The following CD47 variants were observed in gnomAD, a reference collection of about 807,000 sequenced individuals.
CD47 encodes leukocyte surface antigen CD47.
CD47 carries 11 observed loss-of-function variants against 44.6 expected under a neutral mutation model. The ratio of observed to expected loss-of-function variants is 0.25; its 90% CI spans 0.16 to 0.41. The LOEUF is 0.41. CD47 is among the 10% of genes least tolerant of loss of function. The probability of loss-of-function intolerance (pLI) is 1.00; values close to 1 mark genes in which losing one functional copy is unlikely to be tolerated. For missense variants in CD47, 306 were observed against 386.7 expected, an observed-to-expected ratio of 0.79 and a Z score of 1.75; for synonymous variants, 140 against 136.3, an observed-to-expected ratio of 1.03 and a Z score of -0.19.
intron 7 of CD47, chr3:108,054,436 T>C (rs1405933849): frequency 6.6e-6 from 1 of 152,164 alleles, no homozygotes; most frequent in Non-Finnish European, 1.5e-5. Flanking sequence ...CCAAACAGTG[T>C]ACAAGTTAAT....
intron 9 of CD47, among the ~76,000 whole-genome samples, chr3:108,050,110 T>C (rs1263516136): frequency 6.6e-6 from 1 of 152,118 alleles, no homozygotes; most frequent in Non-Finnish European, 1.5e-5. Context: ...ATAAAAGTAA[T>C]ATTCATAATT....
In CD47 at chr3:108,058,361, C is replaced by A; in HGVS notation, c.760G>T (p.Val254Phe). 1 of 1,563,746 alleles carries A rather than the reference C, an allele frequency of 6.4e-7. No homozygotes were observed. The highest frequency in any genetic ancestry group is 1.3e-5 in the African/African-American group (1 of 74,296). ...CCCGCAATACAGAGACTCAGTCCAACCACAGCGAGGATATAGGCTATCACC... is the reference window on the plus strand; with the variant it reads ...CCCGCAATACAGAGACTCAGTCCAAACACAGCGAGGATATAGGCTATCACC... ...IQVIAYILAVVGLSLCIAACI... is the reference protein window; with the variant it reads ...IQVIAYILAVFGLSLCIAACI... The change falls in exon 6 of 11, where the codon GTT becomes TTT. Residue 254 changes from valine to phenylalanine, a missense_variant. By Grantham distance (50) the Val-to-Phe change is conservative. Transcript: ENST00000361309.
intron 9 of CD47, 50 bp from the exon 10 acceptor site, chr3:108,049,701 G>C (rs376083628): frequency 1.5e-6 from 2 of 1,377,804 alleles, no homozygotes; most frequent in Non-Finnish European, 2.1e-6. Context: ...TCCACAATTG[G>C]AAATCATTTC....
At chr3:108,082,705 C>T (rs2079441890) in intron 1 of CD47, among the ~76,000 whole-genome samples, 1 of 151,884 alleles carries the variant, frequency 6.6e-6, no homozygotes, top group Non-Finnish European at 1.5e-5. Flanking sequence ...GGTGAACAAT[C>T]CACCATTTCA....
chr3:108,061,211 G>A (rs1277697032), intron 3 of CD47, among the ~76,000 whole-genome samples: 1 of 149,440 alleles, frequency 6.7e-6, no homozygotes, highest in Non-Finnish European at 1.5e-5. Flanking sequence ...GAGCATCCCT[G>A]GCCTCTACAT....
chr3:108,067,194 T>C (rs927055331), intron 3 of CD47, among the ~76,000 whole-genome samples: 5 of 152,242 alleles, frequency 3.3e-5, no homozygotes, highest in African/African-American at 1.2e-4. Context: ...AATGCCGTTG[T>C]TATTGATAAT....
At chr3:108,087,336 C>T (rs759362806) in intron 1 of CD47, among the ~76,000 whole-genome samples, 6 of 152,054 alleles carry the variant, frequency 3.9e-5, no homozygotes, top group African/African-American at 7.2e-5. Context: ...TCTGACCCAA[C>T]GCAATCCCCC....
intron 10 of CD47, among the ~76,000 whole-genome samples, chr3:108,048,384 T>TG (rs1451758503): frequency 8.3e-4 from 114 of 137,342 alleles, no homozygotes; most frequent in African/African-American, 3.0e-3. Context: ...TTTTTTTTTT[T>TG]TTTTTTTTTT....
intron 1 of CD47, among the ~76,000 whole-genome samples, chr3:108,082,236 G>T (rs1033230288): frequency 4.6e-5 from 7 of 151,984 alleles, no homozygotes; most frequent in African/African-American, 1.7e-4. Context: ...ATAGAAGCCT[G>T]TGCCTTTCAC....
In CD47 at chr3:108,059,457, C is replaced by T; in HGVS notation, c.686G>A (p.Ser229Asn). The change falls in exon 5 of 11, where the codon AGT (serine) becomes AAT (asparagine). Residue 229 changes from serine to asparagine, a missense_variant. Ser to Asn is a conservative substitution (Grantham distance 46). Coordinates refer to ENST00000361309, the MANE Select transcript of CD47 (RefSeq NM_001777.4). ...CTGTAACAATGAAAACTCACCTGTACTAAACACATAGTAGTGAAGTAATAT... is the reference window on the plus strand; with the variant it reads ...CTGTAACAATGAAAACTCACCTGTATTAAACACATAGTAGTGAAGTAATAT... Reference protein sequence around the residue: ...ILILLHYYVFSTAIGLTSFVI... With the variant: ...ILILLHYYVFNTAIGLTSFVI... 6 of 1,445,394 alleles carry T rather than the reference C, an allele frequency of 4.2e-6. No individual in the cohort carries two copies. Among genetic ancestry groups the T allele is most frequent in the Non-Finnish European group, 5.6e-6 (6 of 1,066,678 alleles). 89.5% of individuals were successfully genotyped at this position (1,445,394 alleles called of 1,614,324 possible).
At chr3:108,081,059 A>T (rs1225627079) in intron 1 of CD47, among the ~76,000 whole-genome samples, 1 of 151,934 alleles carries the variant, frequency 6.6e-6, no homozygotes, top group African/African-American at 2.4e-5. Context: ...ACTACAGAAC[A>T]ACAGTCTCCA....
intron 2 of CD47, among the ~76,000 whole-genome samples, chr3:108,073,018 T>C (rs1372978031): frequency 1.5e-5 from 2 of 136,394 alleles, no homozygotes; most frequent in African/African-American, 2.7e-5. Context: ...AAACTCCCCC[T>C]CTCATTTTCC....
chr3:108,047,721 T>C (rs1016548266), intron 10 of CD47, among the ~76,000 whole-genome samples: 6 of 152,204 alleles, frequency 3.9e-5, no homozygotes, highest in Non-Finnish European at 7.3e-5. Flanking sequence ...CTGAACCTCA[T>C]TCATTGACAA....
chr3:108,047,740 T>C lies in CD47; in HGVS notation c.968-448A>G, dbSNP rs113686772. 3.1e-3 allele frequency among the ~76,000 whole-genome samples: 466 copies of C among 152,326 alleles called. 1 individual carries two copies. The highest frequency in any genetic ancestry group is 0.01 in the African/African-American group (434 of 41,572). On this transcript the variant is annotated intron_variant, in intron 10 of 10. Transcript: ENST00000361309. ...ACCTCATTCATTGACAAGGCAGACA[T>C]ACTGTAAGCAATAAGCAGTTGTCAG...
chr3:108,079,567 T>TAAAAAAAAAAAAAAAAA (rs71629342), intron 2 of CD47, among the ~76,000 whole-genome samples: 5 of 53,120 alleles, frequency 9.4e-5, no homozygotes, highest in African/African-American at 1.0e-4. Context: ...AGTGTAAGGT[T>TAAAAAAAAAAAAAAAAA]AAAAAAAAAA....
rs1249446715 is a variant in CD47 at position 108,046,133 on chromosome 3, G to A, written c.*1155C>T. 6.6e-6 allele frequency: 1 copy of A among 152,532 alleles called. No individual in the cohort carries two copies. The highest frequency in any genetic ancestry group is 1.5e-5 in the Non-Finnish European group (1 of 68,014). The allele number at this position is 152,532 out of a possible 1,614,324, so 9.4% of individuals were successfully genotyped here. ...AACCAGGATAGGAAATGTGGGTTTT[G>A]TTTACTTTTCAATCATAGGGGAAGG... On this transcript the variant is annotated 3_prime_UTR_variant, in exon 11 of 11. Coordinates refer to ENST00000361309, the MANE Select transcript of CD47 (RefSeq NM_001777.4).
intron 1 of CD47, among the ~76,000 whole-genome samples, chr3:108,086,826 C>A (rs1334473977): frequency 6.6e-6 from 1 of 152,036 alleles, no homozygotes; most frequent in Non-Finnish European, 1.5e-5. Context: ...ATCTAAGATG[C>A]AAGACTGAAG....
chr3:108,079,565 G>GT (rs1270514003), intron 2 of CD47, among the ~76,000 whole-genome samples: 2 of 68,184 alleles, frequency 2.9e-5, no homozygotes, highest in Non-Finnish European at 5.1e-5. Context: ...AAAGTGTAAG[G>GT]TTAAAAAAAA....
At position 108,075,887 on chromosome 3, in the gene CD47, A is replaced by T. The variant is rs552695765; in HGVS notation, c.400+4104T>A. Among the ~76,000 whole-genome samples, 10 of 152,346 alleles carry T rather than the reference A, an allele frequency of 6.6e-5. No individual in the cohort carries two copies. The South Asian group carries it at 2.1e-3, about 32-fold the overall frequency. On this transcript the variant is annotated intron_variant, in intron 2 of 10. Coordinates refer to ENST00000361309, the MANE Select transcript of CD47 (RefSeq NM_001777.4). ...GTGAGAGGGATTCAACAAGAGGAAG[A>T]TTCTCCTTTGCTGGCTTTAAATATG...
Sources: allele counts gnomAD v4.1 joint callset (sites outside exome capture counted in the v4.1 genomes callset), GRCh38; gene constraint gnomAD v4.1.1; transcripts MANE v1.5; gene names NCBI Gene and HGNC (gene_info 2026-07-23, HGNC 2026-07-21).